The following STK32B variants were observed in gnomAD, a reference collection of about 807,000 sequenced individuals.
The protein encoded by STK32B is serine/threonine kinase 32B.
In STK32B, 43 loss-of-function variants were observed where a neutral mutation model predicts 52.6. That is an observed-to-expected ratio of 0.82 (90% CI 0.64 to 1.05). The LOEUF (loss-of-function observed/expected upper bound fraction) is 1.05. STK32B is among the 50% of genes least tolerant of loss of function. STK32B has a pLI of 0.00. For synonymous variants in STK32B, 238 were observed against 204.3 expected (o/e 1.17, Z -1.41); for missense variants, 621 against 534.6 (o/e 1.16, Z -1.59).
chr4:5,461,774 C>G (rs765970815), intron 9 of STK32B, among the ~76,000 whole-genome samples: 3 of 152,240 alleles, frequency 2.0e-5, no homozygotes, highest in Non-Finnish European at 4.4e-5. Flanking sequence ...TCTTCCAGGC[C>G]TGGCCATGTG....
chr4:5,019,470 G>T, the STK32B span: 3 of 1,440,248 alleles, frequency 2.1e-6, no homozygotes, highest in Non-Finnish European at 9.0e-7. Flanking sequence ...GTGCAGCCTC[G>T]CCGACCGCCC....
intron 2 of STK32B, among the ~76,000 whole-genome samples, chr4:5,159,632 T>TATATATGAATATATATGA: frequency 1.2e-5 from 1 of 80,058 alleles, no homozygotes; most frequent in South Asian, 3.3e-4. Flanking sequence ...TATATATGAA[T>TATATATGAATATATATGA]ATATATATGA....
chr4:5,280,277 AAGC>A (rs1252882311), intron 3 of STK32B, among the ~76,000 whole-genome samples: 1 of 152,156 alleles, frequency 6.6e-6, no homozygotes, highest in African/African-American at 2.4e-5. Context: ...GTCTTTGCTA[AAGC>A]ATAGCAAGAG....
chr4:5,265,729 C>T (rs1428720913), intron 3 of STK32B, among the ~76,000 whole-genome samples: 1 of 152,142 alleles, frequency 6.6e-6, no homozygotes, highest in African/African-American at 2.4e-5. Context: ...TTTTCATTTT[C>T]TCCCTGTCAT....
intron 3 of STK32B, among the ~76,000 whole-genome samples, chr4:5,240,233 G>A (rs1159574082): frequency 6.6e-6 from 1 of 151,432 alleles, no homozygotes. Context: ...TGTCATCCCC[G>A]AGACTCCTAC....
chr4:5,327,129 A>G (rs1731931765), intron 3 of STK32B, among the ~76,000 whole-genome samples: 1 of 151,722 alleles, frequency 6.6e-6, no homozygotes, highest in African/African-American at 2.4e-5. Flanking sequence ...ATTTAGTCAC[A>G]TTTTCAGGTT....
In STK32B at chr4:5,051,536, G is replaced by A; in HGVS notation, c.-328G>A. 2.9e-6 allele frequency: 1 copy of A among 348,402 alleles called. No individual in the cohort carries two copies. The highest frequency in any genetic ancestry group is 5.1e-6 in the Non-Finnish European group (1 of 194,694). 21.6% of individuals were successfully genotyped at this position (348,402 alleles called of 1,614,324 possible). On this transcript the variant is annotated 5_prime_UTR_variant, in exon 1 of 12. Coordinates refer to ENST00000282908, the MANE Select transcript of STK32B (RefSeq NM_018401.3). ...TCGCGTCTCCCGCCCGCTGTAGCCG[G>A]CGAGGAGCGCCGCACGTTGGCCCCG...
In STK32B at chr4:5,470,027, A is replaced by C. The variant is rs1408148497; in HGVS notation, c.1106+1957A>C. Among the ~76,000 whole-genome samples, 4 of 152,066 alleles carry C rather than the reference A, an allele frequency of 2.6e-5. No homozygotes were observed. Among genetic ancestry groups the C allele is most frequent in the African/African-American group, 9.7e-5 (4 of 41,386 alleles). On this transcript the variant is annotated intron_variant, in intron 11 of 11. Transcript: ENST00000282908. This position sits in a 1 kb window ranked among gnomAD's most constrained non-coding sequence, Gnocchi z 4.6. ...CTGCTGGCAAACGTGAGCCTGCAAAAAGCTAAGCTGTGTGGGACCCAAGCA... is the reference window on the plus strand; with the variant it reads ...CTGCTGGCAAACGTGAGCCTGCAAACAGCTAAGCTGTGTGGGACCCAAGCA...
chr4:5,316,203 AAT>A (rs1490418350), intron 3 of STK32B, among the ~76,000 whole-genome samples: 1 of 86,658 alleles, frequency 1.2e-5, no homozygotes, highest in Non-Finnish European at 2.0e-5. Flanking sequence ...TTAGATATAT[AAT>A]ATATATTACA....
intron 6 of STK32B, among the ~76,000 whole-genome samples, chr4:5,442,908 T>C (rs1295492801): frequency 2.6e-5 from 4 of 152,172 alleles, no homozygotes; most frequent in Non-Finnish European, 5.9e-5. Flanking sequence ...AAAATTCTTT[T>C]CTTTAAGAAT....
At chr4:5,297,328 T>G (rs1729268175) in intron 3 of STK32B, among the ~76,000 whole-genome samples, 1 of 152,188 alleles carries the variant, frequency 6.6e-6, no homozygotes, top group Non-Finnish European at 1.5e-5. Context: ...TGGCCTGTTT[T>G]CCTAAGTTGG....
chr4:5,331,301 G>C lies in STK32B; in HGVS notation c.342G>C (p.Gln114His), dbSNP rs1732233075. The C allele has an allele frequency of 3.7e-6, 6 of 1,613,910 alleles. No homozygotes were observed. The highest frequency in any genetic ancestry group is 8.5e-7 in the Non-Finnish European group (1 of 1,179,946). ...LGGDLRYHLQ[Q>H]NVHFTEGTVK... ...GCGACCTGCGCTACCATCTGCAGCAGAATGTGCATTTCACAGAGGGGACTG... is the reference window on the plus strand; with the variant it reads ...GCGACCTGCGCTACCATCTGCAGCACAATGTGCATTTCACAGAGGGGACTG... Residue 114 changes from glutamine (Q) to histidine (H), a missense_variant, in exon 4 of 12, where the codon CAG becomes CAC. Physicochemically the swap from Gln to His is conservative, Grantham distance 24. Transcript: ENST00000282908.
At chr4:5,319,976 C>T (rs1342218091) in intron 3 of STK32B, among the ~76,000 whole-genome samples, 2 of 152,146 alleles carry the variant, frequency 1.3e-5, no homozygotes, top group Admixed American at 1.3e-4. Flanking sequence ...TGCAGGAACT[C>T]TAGCTGCAAG....
chr4:5,188,369 G>A (rs1238938655), intron 3 of STK32B, among the ~76,000 whole-genome samples: 1 of 152,134 alleles, frequency 6.6e-6, no homozygotes, highest in Non-Finnish European at 1.5e-5. Context: ...TGGAAACTGT[G>A]GTGCCCTTGA....
intron 4 of STK32B, among the ~76,000 whole-genome samples, chr4:5,379,415 A>G (rs1194162201): frequency 2.0e-5 from 3 of 152,130 alleles, no homozygotes; most frequent in African/African-American, 7.2e-5. Context: ...GGAGGTGTCC[A>G]GAGCAGGAGG....
chr4:5,458,831 C>T (rs1045739059), intron 8 of STK32B: 2 of 152,156 alleles, frequency 1.3e-5, no homozygotes, highest in African/African-American at 4.8e-5. Flanking sequence ...CCGAAGCAAC[C>T]CTGGCAATCA....
chr4:5,449,954 CATA>C (rs1715836054), intron 7 of STK32B, among the ~76,000 whole-genome samples: 3 of 152,226 alleles, frequency 2.0e-5, no homozygotes, highest in African/African-American at 7.2e-5. Context: ...ATTACAATAT[CATA>C]ATAATAAAGT....
intron 11 of STK32B, 129 bp downstream of exon 11, chr4:5,468,199 G>A: frequency 1.2e-6 from 1 of 859,506 alleles, no homozygotes; most frequent in Non-Finnish European, 1.9e-6. Flanking sequence ...GCTGAGGTGA[G>A]ACACAGGGCT....
At chr4:5,306,739 A>G (rs1577320558) in intron 3 of STK32B, among the ~76,000 whole-genome samples, 1 of 152,220 alleles carries the variant, frequency 6.6e-6, no homozygotes, top group East Asian at 1.9e-4. Flanking sequence ...AGGTCCTGTG[A>G]CATTTATGCT....
Sources: gnomAD v4.1 joint callset for allele counts (sites outside exome capture counted in the v4.1 genomes callset) on GRCh38, gnomAD v4.1.1 for gene constraint, Gnocchi (gnomAD v3.1) non-coding constraint, MANE v1.5 for transcripts, NCBI Gene and HGNC (gene_info 2026-07-23, HGNC 2026-07-21) for gene names.